Variants in RCC1L observed in about 807,000 individuals in gnomAD.
RCC1L encodes the protein RCC1 like, also known as RCC1-like G exchanging factor-like protein.
RCC1L carries 46 observed loss-of-function variants against 58.6 expected under a neutral mutation model. That is an observed-to-expected ratio of 0.79 (90% CI 0.62 to 1.00). RCC1L has a LOEUF of 1.00. Ranked by LOEUF, RCC1L falls within the 50% of genes least tolerant of loss-of-function variation. The probability of loss-of-function intolerance (pLI) is 0.00; values close to 1 mark genes in which losing one functional copy is unlikely to be tolerated. For synonymous variants in RCC1L, 281 were observed against 262.9 expected (o/e 1.07, Z -0.67); for missense variants, 636 against 623.6 (o/e 1.02, Z -0.21).
At chr7:75,040,729 G>A (rs955078566), downstream of RCC1L, among the ~76,000 whole-genome samples, 599 of 152,160 alleles carry the variant, frequency 3.9e-3, 4 homozygotes, top group Admixed American at 9.2e-3. Context: ...CCCCAGTAAC[G>A]GTTTCAGGAA....
chr7:75,032,187 C>T (rs1349260845), intron 10 of RCC1L, among the ~76,000 whole-genome samples: 2 of 152,086 alleles, frequency 1.3e-5, no homozygotes, highest in East Asian at 1.9e-4. Context: ...GCCCAGCATC[C>T]CCACCCAGAC....
intron 10 of RCC1L, among the ~76,000 whole-genome samples, chr7:75,033,540 TAA>T (rs1805363493): frequency 6.6e-6 from 1 of 151,680 alleles, no homozygotes; most frequent in African/African-American, 2.4e-5. Context: ...ACTAAAAATA[TAA>T]AAATTAGCCA....
In RCC1L at chr7:75,066,787, C is replaced by A. The variant is rs781852104; in HGVS notation, c.460G>T (p.Gly154Cys). Residue 154 changes from glycine (G) to cysteine (C), a missense_variant, in exon 3 of 11, where the codon GGC becomes TGC. Gly to Cys is a radical substitution (Grantham distance 159, BLOSUM62 -3). Transcript: ENST00000610322. The stretch of plus-strand genomic sequence containing the variant: ...GAGGGCTCCAACACATACTCGTAGC[C>A]CCTCGCTGGAAAAGACACAGGACAC... ...FHRSRKDKTR[G>C]YEYVLEPSPV... The A allele has an allele frequency of 8.1e-6, 13 of 1,603,768 alleles. No homozygotes were observed. The South Asian group carries it at 1.0e-4, about 12-fold the overall frequency.
At chr7:75,039,905 C>G (rs1310701951), downstream of RCC1L, among the ~76,000 whole-genome samples, 3 of 152,212 alleles carry the variant, frequency 2.0e-5, no homozygotes, top group African/African-American at 7.2e-5. Flanking sequence ...AGTAGGGTTT[C>G]TATGGACGTG....
intron 9 of RCC1L, among the ~76,000 whole-genome samples, chr7:75,053,572 T>C (rs908628206): frequency 1.3e-5 from 2 of 152,146 alleles, no homozygotes; most frequent in Admixed American, 6.6e-5. Context: ...AACAGACAGA[T>C]GATTTTAATA....
intron 3 of RCC1L, among the ~76,000 whole-genome samples, chr7:75,064,940 T>TC (rs1806412587): frequency 2.0e-5 from 3 of 151,836 alleles, no homozygotes; most frequent in South Asian, 4.2e-4. Flanking sequence ...TTAACACCAA[T>TC]CCCCTCTAGA....
Position 75,052,801 on chromosome 7 carries a change from A to G in RCC1L, c.1232-5T>C. Reference sequence around the variant, plus strand: ...ATACAAACAGCTCTCCTTTGTCTGCAAAGGGAGGAAAACAGGGGTTGGTTG... The same window carrying G: ...ATACAAACAGCTCTCCTTTGTCTGCGAAGGGAGGAAAACAGGGGTTGGTTG... On this transcript the variant is annotated splice_polypyrimidine_tract_variant and splice_region_variant and intron_variant, in intron 9 of 10. Coordinates refer to ENST00000610322, the MANE Select transcript of RCC1L (RefSeq NM_030798.5). 6.2e-7 allele frequency: 1 copy of G among 1,611,738 alleles called. No individual in the cohort carries two copies. The highest frequency in any genetic ancestry group is 1.1e-5 in the South Asian group (1 of 90,328).
chr7:75,056,387 C>T, intron 8 of RCC1L: 1 of 915,232 alleles, frequency 1.1e-6, no homozygotes, highest in Non-Finnish European at 1.6e-6. Flanking sequence ...CCAGAAAACC[C>T]ATACGAATAC....
At chr7:75,073,373 G>A (rs771926538) in intron 1 of RCC1L, 41 bp downstream of exon 1, 18 of 921,254 alleles carry the variant, frequency 2.0e-5, no homozygotes, top group Non-Finnish European at 2.5e-5. Flanking sequence ...CGGGAGCGCG[G>A]AAGAGAGAGA....
At chr7:75,071,873 G>A (rs1283732858) in intron 1 of RCC1L, among the ~76,000 whole-genome samples, 1 of 151,602 alleles carries the variant, frequency 6.6e-6, no homozygotes, top group Non-Finnish European at 1.5e-5. Context: ...TATAGCTAAA[G>A]CCCTTATAGG....
chr7:75,032,372 C>G (rs1297309695), intron 10 of RCC1L, among the ~76,000 whole-genome samples: 1 of 152,216 alleles, frequency 6.6e-6, no homozygotes, highest in Non-Finnish European at 1.5e-5. Flanking sequence ...AGCCCAGAAG[C>G]TGATACCTCC....
intron 10 of RCC1L, among the ~76,000 whole-genome samples, chr7:75,048,700 C>T (rs1805821284): frequency 6.6e-6 from 1 of 152,254 alleles, no homozygotes. Flanking sequence ...CACACCCCCT[C>T]GCTGCCTGCT....
rs1212608729 is a variant in RCC1L at position 75,072,155 on chromosome 7, C to CATATATAT, written c.324+1258_324+1259insATATATAT. Among the ~76,000 whole-genome samples the CATATATAT allele has an allele frequency of 4.0e-3, 191 of 47,998 alleles. 5 individuals carry two copies. Among genetic ancestry groups the CATATATAT allele is most frequent in the South Asian group, 8.7e-3 (10 of 1,144 alleles). 31.5% of individuals were successfully genotyped at this position (47,998 alleles called of 152,430 possible). Reference sequence around the variant, plus strand: ...TTTTAAATTTATACATATACATATACATATACATATATATATATATATATA... The same window carrying CATATATAT: ...TTTTAAATTTATACATATACATATACATATATATATATACATATATATATATATATATA... On this transcript the variant is annotated intron_variant, in intron 1 of 10. Coordinates refer to ENST00000610322, the MANE Select transcript of RCC1L (RefSeq NM_030798.5).
downstream of RCC1L, among the ~76,000 whole-genome samples, chr7:75,038,812 C>G (rs1805484344): frequency 6.6e-6 from 1 of 152,190 alleles, no homozygotes; most frequent in African/African-American, 2.4e-5. Flanking sequence ...TGGGAGGCAG[C>G]TCACTGAGCC....
chr7:75,044,764 CA>C (rs1459613313), intron 10 of RCC1L, among the ~76,000 whole-genome samples: 2 of 152,034 alleles, frequency 1.3e-5, no homozygotes, highest in Non-Finnish European at 2.9e-5. Context: ...AGGCCAGGCG[CA>C]GTGGCTCACG....
At position 75,072,149 on chromosome 7, in the gene RCC1L, CATATACATATACAT is replaced by C. The variant is rs1392589896; in HGVS notation, c.324+1251_324+1264del. ...TTTGTATTTTAAATTTATACATATA[CATATACATATACAT>C]ATATATATATATATATATATATATA... On this transcript the variant is annotated intron_variant, in intron 1 of 10. Transcript: ENST00000610322. 1.9e-4 allele frequency among the ~76,000 whole-genome samples: 7 copies of C among 35,900 alleles called. No homozygotes were observed. In the South Asian group the frequency reaches 3.6e-3, roughly 19 times the overall value. The allele number at this position is 35,900 out of a possible 152,430, so 23.6% of individuals were successfully genotyped here. A position where few individuals can be genotyped will look rare whatever the true frequency, so the allele number is the denominator to read the frequency against.
chr7:75,048,099 T>C (rs2131982394), intron 10 of RCC1L, among the ~76,000 whole-genome samples: 2 of 149,494 alleles, frequency 1.3e-5, no homozygotes, highest in East Asian at 4.1e-4. Flanking sequence ...AAACCTCATC[T>C]CTACTAAAAA....
At chr7:75,070,508 T>C in intron 2 of RCC1L, 132 bp downstream of exon 2, 2 of 1,213,932 alleles carry the variant, frequency 1.6e-6, no homozygotes, top group South Asian at 3.2e-5. Context: ...GAGGTGGAGG[T>C]TGCAGTGAGC....
chr7:75,031,140 T>A (rs925174617), intron 10 of RCC1L, among the ~76,000 whole-genome samples: 1 of 152,154 alleles, frequency 6.6e-6, no homozygotes, highest in East Asian at 1.9e-4. Flanking sequence ...CTCCTCTTTC[T>A]CTATGCCAAA....
Sources: allele counts gnomAD v4.1 joint callset (sites outside exome capture counted in the v4.1 genomes callset), GRCh38; gene constraint gnomAD v4.1.1; transcripts MANE v1.5; gene names NCBI Gene and HGNC (gene_info 2026-07-23, HGNC 2026-07-21).